Variants in DDR1 observed in about 807,000 individuals in gnomAD.
The protein encoded by DDR1 is discoidin domain receptor tyrosine kinase 1.
In DDR1, 64 loss-of-function variants were observed where a neutral mutation model predicts 97.4. The ratio of observed to expected loss-of-function variants is 0.66; its 90% CI spans 0.54 to 0.81. The LOEUF (loss-of-function observed/expected upper bound fraction) is 0.81, where lower values mean the gene tolerates loss of function less well. Ranked by LOEUF, DDR1 falls within the 30% of genes least tolerant of loss-of-function variation. DDR1 has a pLI of 0.00. For synonymous variants in DDR1, 458 were observed against 503.7 expected (o/e 0.91, Z 1.21); for missense variants, 990 against 1,259.6 (o/e 0.79, Z 3.24).
rs1788517790 is a variant in DDR1, at chr6:30,891,868, G to GGGATGGGAATGGGACTAGT, written c.666-125_666-107dup. ...AGGGCCAGCTGCATGAGTGTGAGGT[G>GGGATGGGAATGGGACTAGT]GGATGGGAATGGGACTAGTGGATGG... On this transcript the variant is annotated intron_variant, in intron 6 of 17. Coordinates refer to ENST00000376568, the MANE Select transcript of DDR1 (RefSeq NM_001297654.2). This position sits in a 1 kb window ranked among gnomAD's most constrained non-coding sequence, Gnocchi z 5.3. 1 of 928,146 alleles carries GGGATGGGAATGGGACTAGT rather than the reference G, an allele frequency of 1.1e-6. No individual in the cohort carries two copies. The highest frequency in any genetic ancestry group is 1.7e-6 in the Non-Finnish European group (1 of 587,130). The allele number at this position is 928,146 out of a possible 1,614,324, so 57.5% of individuals were successfully genotyped here.
Position 30,894,378 on chromosome 6 carries a change from T to A in DDR1, c.1348-128T>A. Reference sequence around the variant, plus strand: ...TTCACTTTCTCTGCCTGTAAGATGGTGCTGATAGTATCCACAGCTGTAGGG... The same window carrying A: ...TTCACTTTCTCTGCCTGTAAGATGGAGCTGATAGTATCCACAGCTGTAGGG... On this transcript the variant is annotated intron_variant, in intron 10 of 17. Transcript: ENST00000376568. The surrounding 1 kb of genome is among the most constrained non-coding windows in gnomAD (Gnocchi z 5.7). 1.2e-6 allele frequency: 1 copy of A among 814,428 alleles called. No individual in the cohort carries two copies. 50.5% of individuals were successfully genotyped at this position (814,428 alleles called of 1,614,324 possible). A position where few individuals can be genotyped will look rare whatever the true frequency, so the allele number is the denominator to read the frequency against.
Position 30,897,568 on chromosome 6 carries a change from C to T in DDR1, c.2187C>T (p.Asp729=), listed in dbSNP as rs202053299. Residue 729 remains aspartate, a synonymous_variant, in exon 15 of 18, where the codon GAC becomes GAT. Coordinates refer to ENST00000376568, the MANE Select transcript of DDR1 (RefSeq NM_001297654.2). The surrounding 1 kb of genome is among the most constrained non-coding windows in gnomAD (Gnocchi z 5.2). ...EDKAAEGAPG[D]GQAAQGPTIS... is the part of the protein sequence containing the mutation. ...AGGCAGCCGAGGGGGCCCCTGGGGACGGGCAGGCTGCGCAGGGGCCCACCA... is the reference window on the plus strand; with the variant it reads ...AGGCAGCCGAGGGGGCCCCTGGGGATGGGCAGGCTGCGCAGGGGCCCACCA... 128 of 1,612,976 alleles carry T rather than the reference C, an allele frequency of 7.9e-5. No homozygotes were observed. In the Admixed American group the frequency reaches 9.2e-4, roughly 12 times the overall value.
At position 30,900,012 on chromosome 6, in the gene DDR1, C is replaced by T. The variant is rs749248206; in HGVS notation, c.*716C>T. On this transcript the variant is annotated 3_prime_UTR_variant, in exon 18 of 18. Coordinates refer to ENST00000376568, the MANE Select transcript of DDR1 (RefSeq NM_001297654.2). ...GGTTGGACATCTCTAGTGTAGCTGC[C>T]ACATTGATTTTTCTATAATCACTTG... The T allele has an allele frequency of 1.0e-5, 6 of 593,656 alleles. No homozygotes were observed. The highest frequency in any genetic ancestry group is 2.0e-5 in the Non-Finnish European group (6 of 306,210). The allele number at this position is 593,656 out of a possible 1,614,324, so 36.8% of individuals were successfully genotyped here.
In DDR1 at chr6:30,893,279, G is replaced by T; in HGVS notation, c.1203G>T (p.Glu401Asp). The T allele has an allele frequency of 6.2e-7, 1 of 1,604,640 alleles. No homozygotes were observed. Among genetic ancestry groups the T allele is most frequent in the Non-Finnish European group, 8.5e-7 (1 of 1,179,550 alleles). ...CCCTGCTGCCTCCACCAGAGCTGGA[G>T]CCCAGAGGCCAGCAGCCCGTGGCCA... ...PPTNFSSLEL[E>D]PRGQQPVAKA... The change falls in exon 10 of 18, where the codon GAG becomes GAT. Residue 401 changes from glutamate (E) to aspartate (D), a missense_variant. By Grantham distance (45) the Glu-to-Asp change is conservative (BLOSUM62 2). Coordinates refer to ENST00000376568, the MANE Select transcript of DDR1 (RefSeq NM_001297654.2).
rs1787211200 is a variant in DDR1, at chr6:30,889,503, A to G, written c.417+73A>G. ...TCCAGCTGTACTTTAAACACCACCTATACGCTGACGACTCTCCAGTTTATA... is the reference window on the plus strand; with the variant it reads ...TCCAGCTGTACTTTAAACACCACCTGTACGCTGACGACTCTCCAGTTTATA... On this transcript the variant is annotated intron_variant, in intron 4 of 17. Coordinates refer to ENST00000376568, the MANE Select transcript of DDR1 (RefSeq NM_001297654.2). This position sits in a 1 kb window ranked among gnomAD's most constrained non-coding sequence, Gnocchi z 4.9. 8.1e-6 allele frequency: 9 copies of G among 1,105,970 alleles called. No homozygotes were observed. Among genetic ancestry groups the G allele is most frequent in the Non-Finnish European group, 1.1e-5 (9 of 797,656 alleles). The allele number at this position is 1,105,970 out of a possible 1,614,324, so 68.5% of individuals were successfully genotyped here.
At chr6:30,896,519 C>T in intron 12 of DDR1, 102 bp from the exon 13 acceptor site, 2 of 1,421,002 alleles carry the variant, frequency 1.4e-6, no homozygotes, top group South Asian at 2.8e-5. Flanking sequence ...TCTCACTCAA[C>T]CGGGAGACAC....
In DDR1 at chr6:30,890,248, C is replaced by A. The variant is rs1004380862; in HGVS notation, c.418-725C>A. Reference sequence around the variant, plus strand: ...GCAGGATGCTCAGCCTGACCTGGCTCCTGCCTGCATCACTTGTTTCTTGGC... The same window carrying A: ...GCAGGATGCTCAGCCTGACCTGGCTACTGCCTGCATCACTTGTTTCTTGGC... On this transcript the variant is annotated intron_variant, in intron 4 of 17. Transcript: ENST00000376568. The surrounding 1 kb of genome is among the most constrained non-coding windows in gnomAD (Gnocchi z 5.0). Among the ~76,000 whole-genome samples the A allele has an allele frequency of 2.6e-5, 4 of 152,172 alleles. No individual in the cohort carries two copies. The highest frequency in any genetic ancestry group is 5.9e-5 in the Non-Finnish European group (4 of 68,032).
At chr6:30,884,140 T>G (rs1477046893), upstream of DDR1, 1 of 152,108 alleles carries the variant, frequency 6.6e-6, no homozygotes, top group Non-Finnish European at 1.5e-5. This position sits in a 1 kb window ranked among gnomAD's most constrained non-coding sequence, Gnocchi z 6.1. Context: ...GGCGCCAGCT[T>G]TGGAGGTTCT....
At chr6:30,892,250 C>T (rs202025803) in intron 7 of DDR1, 46 bp from the exon 8 acceptor site, 2 of 1,603,000 alleles carry the variant, frequency 1.2e-6, no homozygotes, top group African/African-American at 2.7e-5. Context: ...TGGGGTGCCC[C>T]CACCACTCCT....
At chr6:30,893,018 G>T in intron 8 of DDR1, 50 bp from the exon 9 acceptor site, 1 of 1,511,414 alleles carries the variant, frequency 6.6e-7, no homozygotes. Context: ...GCCTCCCTTG[G>T]GTCTCCTCCT....
Position 30,892,216 on chromosome 6 carries a change from C to T in DDR1, c.852+28C>T, listed in dbSNP as rs574932393. On this transcript the variant is annotated intron_variant, in intron 7 of 17. Transcript: ENST00000376568. Reference sequence around the variant, plus strand: ...GAGTGAGTCCGGCTCTCGAGGAGGGCTCTGAAGCCATGCAGGGTGCCGTTG... The same window carrying T: ...GAGTGAGTCCGGCTCTCGAGGAGGGTTCTGAAGCCATGCAGGGTGCCGTTG... The T allele has an allele frequency of 1.2e-5, 20 of 1,612,516 alleles. No homozygotes were observed. The South Asian group carries it at 1.3e-4, about 11-fold the overall frequency.
chr6:30,885,558 G>T (rs1028048480), intron 1 of DDR1: 18 of 1,402,842 alleles, frequency 1.3e-5, no homozygotes, highest in Non-Finnish European at 1.7e-5. Flanking sequence ...CAAGGGCCCG[G>T]GTGTGTGTGT....
rs760388168 is a variant in DDR1 at position 30,897,490 on chromosome 6, C to T, written c.2109C>T (p.Tyr703=). The change falls in exon 15 of 18, where the codon TAC becomes TAT. Residue 703 remains tyrosine, a synonymous_variant. Coordinates refer to ENST00000376568, the MANE Select transcript of DDR1 (RefSeq NM_001297654.2). This position sits in a 1 kb window ranked among gnomAD's most constrained non-coding sequence, Gnocchi z 5.2. ...ACCCCCTCTGCATGATTACTGACTA[C>T]ATGGAGAACGGCGACCTCAACCAGT... is the stretch of plus-strand genomic sequence containing the variant. ...QDDPLCMITD[Y]MENGDLNQFL... 1.2e-6 allele frequency: 2 copies of T among 1,614,160 alleles called. No individual in the cohort carries two copies. The highest frequency in any genetic ancestry group is 1.7e-6 in the Non-Finnish European group (2 of 1,180,012).
In DDR1 at chr6:30,888,444, TG is replaced by T. The variant is rs1287679033; in HGVS notation, c.-42-242del. The T allele has an allele frequency of 5.9e-6, 3 of 508,534 alleles. No individual in the cohort carries two copies. Among genetic ancestry groups the T allele is most frequent in the African/African-American group, 5.8e-5 (3 of 51,916 alleles). The allele number at this position is 508,534 out of a possible 1,614,324, so 31.5% of individuals were successfully genotyped here. ...CCCTAGTTTCTTCATGTGTTAAATA[TG>T]GATAGTAATAGTATCTACCTTATGA... On this transcript the variant is annotated intron_variant, in intron 1 of 17. Transcript: ENST00000376568. The surrounding 1 kb of genome is among the most constrained non-coding windows in gnomAD (Gnocchi z 4.2).
Position 30,884,908 on chromosome 6 carries a change from G to T in DDR1, c.-43+198G>T, listed in dbSNP as rs182943540. 424 of 400,574 alleles carry T rather than the reference G, an allele frequency of 1.1e-3. 9 individuals carry two copies. In the East Asian group the frequency reaches 0.012, roughly 11 times the overall value. The allele number at this position is 400,574 out of a possible 1,614,324, so 24.8% of individuals were successfully genotyped here. ...TCTGAAAACCGGGGGCGGGGACTGG[G>T]TGGAGGTGAAGCCCGTGACCTCCCA... On this transcript the variant is annotated intron_variant, in intron 1 of 17. Coordinates refer to ENST00000376568, the MANE Select transcript of DDR1 (RefSeq NM_001297654.2). The surrounding 1 kb of genome is among the most constrained non-coding windows in gnomAD (Gnocchi z 6.1).
chr6:30,898,358 T>C (rs1304851382), intron 16 of DDR1, 51 bp downstream of exon 16: 2 of 1,344,032 alleles, frequency 1.5e-6, no homozygotes, highest in African/African-American at 2.9e-5. Context: ...GGGAGAACAC[T>C]GGCCGCCACT....
chr6:30,892,991 A>C (rs1789132613), intron 8 of DDR1, 77 bp from the exon 9 acceptor site: 1 of 1,281,784 alleles, frequency 7.8e-7, no homozygotes, highest in Non-Finnish European at 1.1e-6. Context: ...TCCTTTGCAC[A>C]ACAGTCCACT....
chr6:30,900,090 A>T lies in DDR1; in HGVS notation c.*794A>T, dbSNP rs1792395226. ...CACAGATTTTTACACTAATATATGG[A>T]CCTAGCTTGAGGCAATTTTAATCCC... is the stretch of plus-strand genomic sequence containing the variant. On this transcript the variant is annotated 3_prime_UTR_variant, in exon 18 of 18. Transcript: ENST00000376568. 1.7e-6 allele frequency: 1 copy of T among 596,454 alleles called. No homozygotes were observed. The highest frequency in any genetic ancestry group is 1.8e-5 in the African/African-American group (1 of 55,618). The allele number at this position is 596,454 out of a possible 1,614,324, so 36.9% of individuals were successfully genotyped here.
chr6:30,895,881 G>T (rs980706325), intron 12 of DDR1, among the ~76,000 whole-genome samples: 1 of 152,002 alleles, frequency 6.6e-6, no homozygotes, highest in Non-Finnish European at 1.5e-5. Context: ...CTCTCACCCC[G>T]GGCGCTTGCC....
Sources: allele counts gnomAD v4.1 joint callset (sites outside exome capture counted in the v4.1 genomes callset), GRCh38; gene constraint gnomAD v4.1.1; non-coding constraint Gnocchi (gnomAD v3.1); transcripts MANE v1.5; gene names NCBI Gene and HGNC (gene_info 2026-07-23, HGNC 2026-07-21).